ARHGAP24: variants seen among roughly 807,000 people sequenced by gnomAD.
The protein encoded by ARHGAP24 is rho GTPase-activating protein 24.
A neutral mutation model predicts 76.4 loss-of-function variants in ARHGAP24; 50 were observed. The observed-to-expected ratio is 0.65, with a 90% CI of 0.52 to 0.83. The LOEUF is 0.83. ARHGAP24 is among the 40% of genes least tolerant of loss of function. ARHGAP24 has a pLI of 0.00. For missense variants in ARHGAP24, 930 were observed against 914.2 expected (o/e 1.02, Z -0.22); for synonymous variants, 345 against 323.3 (o/e 1.07, Z -0.72).
chr4:85,625,797 A>C (rs1181063703), intron 2 of ARHGAP24, among the ~76,000 whole-genome samples: 1 of 152,036 alleles, frequency 6.6e-6, no homozygotes, highest in East Asian at 1.9e-4. Flanking sequence ...AGCTCTTCTT[A>C]TTAATTGATC....
At chr4:85,799,243 T>A (rs1439953355) in intron 3 of ARHGAP24, among the ~76,000 whole-genome samples, 1 of 151,580 alleles carries the variant, frequency 6.6e-6, no homozygotes, top group Admixed American at 6.6e-5. Context: ...CCTTGGAGAG[T>A]TCATTGATTC....
intron 3 of ARHGAP24, among the ~76,000 whole-genome samples, chr4:85,743,108 G>C (rs898141528): frequency 2.6e-5 from 4 of 152,024 alleles, no homozygotes; most frequent in Non-Finnish European, 5.9e-5. Context: ...CTGAAATTCA[G>C]ATTCACCAGA....
intron 2 of ARHGAP24, among the ~76,000 whole-genome samples, chr4:85,666,487 T>G (rs1267657879): frequency 6.6e-6 from 1 of 152,226 alleles, no homozygotes; most frequent in Admixed American, 6.5e-5. Flanking sequence ...AGCCTTCTTC[T>G]CTCAACTCGT....
At chr4:85,719,788 C>A (rs1345687505) in intron 2 of ARHGAP24, among the ~76,000 whole-genome samples, 1 of 152,108 alleles carries the variant, frequency 6.6e-6, no homozygotes, top group Non-Finnish European at 1.5e-5. Context: ...GGACTTTAAT[C>A]AATTCATCTT....
Position 85,942,196 on chromosome 4 carries a change from T to C in ARHGAP24, c.522T>C (p.Phe174=). ...GGGGGCTGAAAGAAGAGGGTCTCTT[T>C]CGACTGCCAGGCCAGGCTAATCTTG... is the stretch of plus-strand genomic sequence containing the variant. ...RQRGLKEEGL[F]RLPGQANLVK... is the part of the protein sequence containing the mutation. The change falls in exon 5 of 10, where the codon TTT becomes TTC. Residue 174 remains phenylalanine, a synonymous_variant. Coordinates refer to ENST00000395184, the MANE Select transcript of ARHGAP24 (RefSeq NM_001025616.3). The C allele has an allele frequency of 6.2e-7, 1 of 1,614,112 alleles. No individual in the cohort carries two copies.
At chr4:85,790,492 T>C (rs1728067015) in intron 3 of ARHGAP24, among the ~76,000 whole-genome samples, 1 of 152,226 alleles carries the variant, frequency 6.6e-6, no homozygotes, top group African/African-American at 2.4e-5. Flanking sequence ...CATTCTGAGA[T>C]ATGAAAATGG....
chr4:86,000,997 T>A lies in ARHGAP24; in HGVS notation c.*275T>A. 1.9e-6 allele frequency: 1 copy of A among 515,278 alleles called. No individual in the cohort carries two copies. Among genetic ancestry groups the A allele is most frequent in the East Asian group, 3.2e-5 (1 of 31,192 alleles). 31.9% of individuals were successfully genotyped at this position (515,278 alleles called of 1,614,324 possible). A position where few individuals can be genotyped will look rare whatever the true frequency, so the allele number is the denominator to read the frequency against. ...AATGAGAAGCATATTTCAAGAATTA[T>A]TTTATTGCAAGTCTTGTATTTAAAT... On this transcript the variant is annotated 3_prime_UTR_variant, in exon 10 of 10. Transcript: ENST00000395184.
chr4:85,759,363 C>A (rs1300732766), intron 3 of ARHGAP24, among the ~76,000 whole-genome samples: 1 of 152,002 alleles, frequency 6.6e-6, no homozygotes, highest in Non-Finnish European at 1.5e-5. Flanking sequence ...CCTGAACCAG[C>A]CCTCAAAATA....
At chr4:85,487,029 A>C (rs1330187434) in intron 1 of ARHGAP24, among the ~76,000 whole-genome samples, 2 of 151,384 alleles carry the variant, frequency 1.3e-5, no homozygotes, top group African/African-American at 4.9e-5. Context: ...AATGTTTTCA[A>C]ATTTAAGGTG....
chr4:85,965,638 G>A (rs1266668755), intron 5 of ARHGAP24, among the ~76,000 whole-genome samples: 7 of 152,076 alleles, frequency 4.6e-5, no homozygotes, highest in African/African-American at 1.7e-4. Context: ...CTGTATCAGT[G>A]TTTCTCAATA....
Position 85,923,721 on chromosome 4 carries a change from A to G in ARHGAP24, c.342A>G (p.Glu114=). The G allele has an allele frequency of 6.2e-7, 1 of 1,613,996 alleles. No homozygotes were observed. Among genetic ancestry groups the G allele is most frequent in the Non-Finnish European group, 8.5e-7 (1 of 1,179,950 alleles). ...LLMASTQNDM[E]DWVKSIRRVI... is the part of the protein sequence containing the mutation. ...TGGCAAGCACCCAGAATGATATGGAAGACTGGGTGAAGTCAATCCGCCGAG... is the reference window on the plus strand; with the variant it reads ...TGGCAAGCACCCAGAATGATATGGAGGACTGGGTGAAGTCAATCCGCCGAG... The change falls in exon 4 of 10, where the codon GAA becomes GAG. Residue 114 remains glutamate, a synonymous_variant. Transcript: ENST00000395184.
chr4:85,794,425 T>A (rs551869128), intron 3 of ARHGAP24, among the ~76,000 whole-genome samples: 2 of 152,304 alleles, frequency 1.3e-5, no homozygotes, highest in African/African-American at 4.8e-5. Context: ...ACTTCCCAAA[T>A]ATAATTGTAT....
chr4:85,701,643 A>G (rs773617574), intron 2 of ARHGAP24, among the ~76,000 whole-genome samples: 1 of 152,076 alleles, frequency 6.6e-6, no homozygotes, highest in Non-Finnish European at 1.5e-5. Context: ...CTTACATTTC[A>G]TGTCTTATCT....
Position 85,487,336 on chromosome 4 carries a change from T to G in ARHGAP24, c.-21+11777T>G, listed in dbSNP as rs865970513. Among the ~76,000 whole-genome samples, 612 of 116,026 alleles carry G rather than the reference T, an allele frequency of 5.3e-3. 5 individuals carry two copies. The highest frequency in any genetic ancestry group is 0.018 in the Middle Eastern group (4 of 222). The allele number at this position is 116,026 out of a possible 152,430, so 76.1% of individuals were successfully genotyped here. ...TATAAAATATATATTTATTATAAATTTATATACATTTATAATATATATAAA... is the reference window on the plus strand; with the variant it reads ...TATAAAATATATATTTATTATAAATGTATATACATTTATAATATATATAAA... On this transcript the variant is annotated intron_variant, in intron 1 of 9. Coordinates refer to ENST00000395184, the MANE Select transcript of ARHGAP24 (RefSeq NM_001025616.3).
At chr4:85,686,492 C>T (rs1277626450) in intron 2 of ARHGAP24, 1 of 152,092 alleles carries the variant, frequency 6.6e-6, no homozygotes, top group East Asian at 1.9e-4. Flanking sequence ...TCCTGGGTGA[C>T]TTGTATTAGT....
At chr4:85,541,883 G>A (rs1488201836) in intron 1 of ARHGAP24, among the ~76,000 whole-genome samples, 1 of 151,982 alleles carries the variant, frequency 6.6e-6, no homozygotes, top group Non-Finnish European at 1.5e-5. Flanking sequence ...ACGATAGTGT[G>A]GAAGGCCTGA....
chr4:85,565,001 A>C (rs1726781785), intron 1 of ARHGAP24, among the ~76,000 whole-genome samples: 1 of 144,964 alleles, frequency 6.9e-6, no homozygotes, highest in Admixed American at 6.9e-5. Context: ...ACACATACAC[A>C]CACCCATACA....
At chr4:85,877,851 A>G (rs955865677) in intron 3 of ARHGAP24, among the ~76,000 whole-genome samples, 1 of 152,190 alleles carries the variant, frequency 6.6e-6, no homozygotes, top group African/African-American at 2.4e-5. Context: ...TAATTGTGAA[A>G]CAAGATAATA....
In ARHGAP24 at chr4:85,823,125, C is replaced by A. The variant is rs1281599384; in HGVS notation, c.269-100523C>A. Among the ~76,000 whole-genome samples the A allele has an allele frequency of 3.3e-5, 5 of 152,138 alleles. No individual in the cohort carries two copies. The East Asian group carries it at 7.7e-4, about 24-fold the overall frequency. ...CTTTCTTTCCTTCCTTCTTTCACTACATTGTAGTAGTGGCCATTGAAGAAC... is the reference window on the plus strand; with the variant it reads ...CTTTCTTTCCTTCCTTCTTTCACTAAATTGTAGTAGTGGCCATTGAAGAAC... On this transcript the variant is annotated intron_variant, in intron 3 of 9. Coordinates refer to ENST00000395184, the MANE Select transcript of ARHGAP24 (RefSeq NM_001025616.3).
Sources: gnomAD v4.1 joint callset for allele counts (sites outside exome capture counted in the v4.1 genomes callset) on GRCh38, gnomAD v4.1.1 for gene constraint, MANE v1.5 for transcripts, NCBI Gene and HGNC (gene_info 2026-07-23, HGNC 2026-07-21) for gene names.